EGFLAM: variants seen among roughly 807,000 people sequenced by gnomAD.
EGFLAM encodes the protein EGF like, fibronectin type III and laminin G domains, also known as pikachurin.
A neutral mutation model predicts 113.1 loss-of-function variants in EGFLAM; 79 were observed. The observed-to-expected ratio is 0.70, with a 90% CI of 0.58 to 0.84. EGFLAM has a LOEUF of 0.84. EGFLAM is among the 40% of genes least tolerant of loss of function. EGFLAM has a pLI of 0.00. For missense variants in EGFLAM, 1,265 were observed against 1,291.6 expected (o/e 0.98, Z 0.32); for synonymous variants, 504 against 487.6 (o/e 1.03, Z -0.44).
At chr5:38,423,027 ATACCAGCACTGGG>A (rs975420348) in intron 12 of EGFLAM, among the ~76,000 whole-genome samples, 1 of 152,170 alleles carries the variant, frequency 6.6e-6, no homozygotes, top group African/African-American at 2.4e-5. Flanking sequence ...TCAAGGCCTG[ATACCAGCACTGGG>A]TATTTCCACA....
chr5:38,304,150 G>T (rs1033076585), intron 1 of EGFLAM, among the ~76,000 whole-genome samples: 1 of 150,406 alleles, frequency 6.6e-6, no homozygotes. Context: ...AAGAAAGAAA[G>T]AAAACAGAAT....
At chr5:38,388,235 G>T (rs1740715828) in intron 6 of EGFLAM, among the ~76,000 whole-genome samples, 1 of 152,186 alleles carries the variant, frequency 6.6e-6, no homozygotes, top group Non-Finnish European at 1.5e-5. Context: ...ATCAAGACTA[G>T]AGATGAGATA....
At chr5:38,331,039 C>CA (rs1739027027) in intron 1 of EGFLAM, among the ~76,000 whole-genome samples, 1 of 151,832 alleles carries the variant, frequency 6.6e-6, no homozygotes. Context: ...GAAAAATAGC[C>CA]AAAAAAAGAT....
At chr5:38,405,010 AC>A (rs1741235547) in intron 6 of EGFLAM, among the ~76,000 whole-genome samples, 1 of 152,158 alleles carries the variant, frequency 6.6e-6, no homozygotes, top group South Asian at 2.1e-4. Context: ...AGGTTTTCTC[AC>A]CCACCTTTCA....
In EGFLAM at chr5:38,390,054, A is replaced by AT. The variant is rs1228729357; in HGVS notation, c.713-16065dup. On this transcript the variant is annotated intron_variant, in intron 6 of 21. Coordinates refer to ENST00000322350, the MANE Select transcript of EGFLAM (RefSeq NM_152403.4). ...TTTATAAAATCTTAATAGGTGCCACATTTTTTTCAGTGGTAGAGAAAAAAA... is the reference window on the plus strand; with the variant it reads ...TTTATAAAATCTTAATAGGTGCCACATTTTTTTTCAGTGGTAGAGAAAAAAA... Among the ~76,000 whole-genome samples, 17 of 152,154 alleles carry AT rather than the reference A, an allele frequency of 1.1e-4. No individual in the cohort carries two copies. The South Asian group carries it at 3.3e-3, about 30-fold the overall frequency.
intron 2 of EGFLAM, 79 bp from the exon 3 acceptor site, chr5:38,338,619 C>T: frequency 1.5e-6 from 2 of 1,338,822 alleles, no homozygotes; most frequent in Non-Finnish European, 1.1e-6. Context: ...AGCCTGCTGC[C>T]ACTGTGAGTG....
At position 38,409,075 on chromosome 5, in the gene EGFLAM, G is replaced by A. The variant is rs372107478; in HGVS notation, c.1320G>A (p.Leu440=). 4 of 1,590,334 alleles carry A rather than the reference G, an allele frequency of 2.5e-6. No homozygotes were observed. The South Asian group carries it at 3.4e-5, about 14-fold the overall frequency. Residue 440 remains leucine, a synonymous_variant, in exon 10 of 22, where the codon CTG becomes CTA. Coordinates refer to ENST00000322350, the MANE Select transcript of EGFLAM (RefSeq NM_152403.4). ...ACGGGAGGGGGGATTTCATGTCCCT[G>A]GCTATCATCCGACGCTCCCTGCAGT... ...NEHGRGDFMS[L]AIIRRSLQFR...
intron 17 of EGFLAM, among the ~76,000 whole-genome samples, chr5:38,443,242 G>C (rs1355341945): frequency 6.6e-6 from 1 of 152,158 alleles, no homozygotes; most frequent in East Asian, 1.9e-4. Flanking sequence ...CTCCAGCCTG[G>C]GTGACAGAGC....
chr5:38,425,597 G>A (rs928345054), intron 13 of EGFLAM, among the ~76,000 whole-genome samples: 5 of 152,134 alleles, frequency 3.3e-5, no homozygotes, highest in Admixed American at 2.0e-4. Context: ...AAATTTGTTT[G>A]GTAATGAGAA....
chr5:38,399,277 GTTTT>G (rs797021726), intron 6 of EGFLAM, among the ~76,000 whole-genome samples: 35 of 118,476 alleles, frequency 3.0e-4, no homozygotes, highest in African/African-American at 1.0e-3. Context: ...TTTTGTTTTC[GTTTT>G]TTTTTTTTTT....
intron 6 of EGFLAM, among the ~76,000 whole-genome samples, chr5:38,397,854 G>A (rs72740350): frequency 0.024 from 3,630 of 152,292 alleles, 115 homozygotes; most frequent in African/African-American, 0.072. Flanking sequence ...TACAGCAGAA[G>A]CAGGTGAGAG....
intron 1 of EGFLAM, among the ~76,000 whole-genome samples, chr5:38,299,310 T>C (rs1758517798): frequency 1.3e-5 from 2 of 152,232 alleles, no homozygotes; most frequent in African/African-American, 4.8e-5. Context: ...TACCTAAAAG[T>C]ATCCATGTAT....
In EGFLAM at chr5:38,370,407, G is replaced by C. The variant is rs369346695; in HGVS notation, c.657G>C (p.Met219Ile). 6.2e-7 allele frequency: 1 copy of C among 1,614,098 alleles called. No individual in the cohort carries two copies. The highest frequency in any genetic ancestry group is 1.3e-5 in the African/African-American group (1 of 74,948). The stretch of plus-strand genomic sequence containing the variant: ...ACTACCAGTTTGCCGTGAGGGCAAT[G>C]AATTCCCATGGCCCCAGCCCCCGCA... Reference protein sequence around the residue: ...DTNYQFAVRAMNSHGPSPRSW... With the variant: ...DTNYQFAVRAINSHGPSPRSW... Residue 219 changes from methionine to isoleucine, a missense_variant, in exon 6 of 22, where the codon ATG (methionine) becomes ATC (isoleucine). By Grantham distance (10) the Met-to-Ile change is conservative. Coordinates refer to ENST00000322350, the MANE Select transcript of EGFLAM (RefSeq NM_152403.4).
chr5:38,319,467 A>G (rs1738685814), intron 1 of EGFLAM, among the ~76,000 whole-genome samples: 1 of 152,222 alleles, frequency 6.6e-6, no homozygotes, highest in Admixed American at 6.5e-5. Flanking sequence ...ATGCTTATTC[A>G]GGGTCGGAAA....
At chr5:38,392,950 C>T in intron 6 of EGFLAM, among the ~76,000 whole-genome samples, 1 of 152,118 alleles carries the variant, frequency 6.6e-6, no homozygotes, top group East Asian at 1.9e-4. Flanking sequence ...GTTGGCCAGG[C>T]TGGTCTCAAA....
chr5:38,326,377 C>G (rs1738880536), intron 1 of EGFLAM, among the ~76,000 whole-genome samples: 1 of 152,228 alleles, frequency 6.6e-6, no homozygotes, highest in Admixed American at 6.5e-5. Flanking sequence ...CTGTTCTGTG[C>G]TCTTTATAAT....
intron 1 of EGFLAM, among the ~76,000 whole-genome samples, chr5:38,308,010 C>G (rs1477541058): frequency 6.6e-6 from 1 of 152,194 alleles, no homozygotes; most frequent in Admixed American, 6.5e-5. Context: ...CTGGGGAAGG[C>G]CTGGTTATTC....
At chr5:38,337,446 C>G (rs527920582) in intron 1 of EGFLAM, 74 bp from the exon 2 acceptor site, 1 of 1,367,006 alleles carries the variant, frequency 7.3e-7, no homozygotes, top group Admixed American at 2.3e-5. Context: ...ATAATGCACT[C>G]TTAAATCTTG....
intron 11 of EGFLAM, among the ~76,000 whole-genome samples, chr5:38,413,462 G>C (rs781013391): frequency 3.3e-5 from 5 of 151,936 alleles, no homozygotes; most frequent in African/African-American, 4.8e-5. Context: ...CTACCTTTGA[G>C]GGGGGCCGTA....
Sources: allele counts gnomAD v4.1 joint callset (sites outside exome capture counted in the v4.1 genomes callset), GRCh38; gene constraint gnomAD v4.1.1; transcripts MANE v1.5; gene names NCBI Gene and HGNC (gene_info 2026-07-23, HGNC 2026-07-21).